UBE2U: variants seen among roughly 807,000 people sequenced by gnomAD.
UBE2U encodes ubiquitin conjugating enzyme E2 U, also known as ubiquitin-conjugating enzyme E2 U.
Under a neutral mutation model 41.2 loss-of-function variants are expected in UBE2U, and 39 were observed. The ratio of observed to expected loss-of-function variants is 0.95; its 90% CI spans 0.73 to 1.24. UBE2U has a LOEUF of 1.24. UBE2U is among the 50% of genes most tolerant of loss of function. The probability of loss-of-function intolerance (pLI) is 0.00; values close to 1 mark genes in which losing one functional copy is unlikely to be tolerated. For missense variants in UBE2U, 336 were observed against 363.1 expected (o/e 0.93, Z 0.61); for synonymous variants, 107 against 117.8 (o/e 0.91, Z 0.60).
intron 3 of UBE2U, among the ~76,000 whole-genome samples, chr1:64,208,603 C>CAAAAAAAAAAAAAAA (rs56972795): frequency 1.1e-4 from 4 of 36,464 alleles, no homozygotes; most frequent in Non-Finnish European, 1.4e-4. Context: ...GACGCTGTCT[C>CAAAAAAAAAAAAAAA]AAAAAAAAAA....
intron 3 of UBE2U, among the ~76,000 whole-genome samples, chr1:64,209,750 C>T (rs891527992): frequency 7.9e-6 from 1 of 125,856 alleles, no homozygotes; most frequent in South Asian, 2.7e-4. Context: ...AATTGCCTTT[C>T]GGTGGTATTT....
At chr1:64,239,157 A>AAGGAGAAGGAGAAGAAGAAGAAGAAGAAG in intron 7 of UBE2U, among the ~76,000 whole-genome samples, 2 of 37,064 alleles carry the variant, frequency 5.4e-5, no homozygotes, top group African/African-American at 1.7e-4. Context: ...GAAGAAGAAG[A>AAGGAGAAGGAGAAGAAGAAGAAGAAGAAG]AAGAAGAAGA....
At chr1:64,206,721 T>C in intron 2 of UBE2U, 43 bp from the exon 3 acceptor site, 1 of 1,221,408 alleles carries the variant, frequency 8.2e-7, no homozygotes, top group Non-Finnish European at 1.2e-6. Context: ...AGTTAATCAA[T>C]AAACATGACA....
intron 8 of UBE2U, among the ~76,000 whole-genome samples, chr1:64,252,975 G>A (rs1035996307): frequency 1.3e-5 from 2 of 152,124 alleles, no homozygotes; most frequent in African/African-American, 4.8e-5. Flanking sequence ...CTGAGCTAAA[G>A]GAACAGGTTG....
At chr1:64,251,395 A>G (rs1212974520) in intron 8 of UBE2U, among the ~76,000 whole-genome samples, 8 of 152,160 alleles carry the variant, frequency 5.3e-5, no homozygotes, top group Non-Finnish European at 7.3e-5. Flanking sequence ...GTAAATTAGT[A>G]TAAGAAAGAA....
intron 4 of UBE2U, among the ~76,000 whole-genome samples, chr1:64,212,284 T>C (rs1000517812): frequency 6.6e-6 from 1 of 152,168 alleles, no homozygotes; most frequent in Non-Finnish European, 1.5e-5. Flanking sequence ...GCCCTAAGAA[T>C]AGCAAAATGA....
intron 8 of UBE2U, chr1:64,244,316 G>C (rs1644885293): frequency 2.0e-6 from 2 of 992,592 alleles, no homozygotes; most frequent in Non-Finnish European, 2.5e-6. Context: ...TTTCATTCGA[G>C]ATATAAATAA....
chr1:64,209,609 C>T (rs1651538771), intron 3 of UBE2U, among the ~76,000 whole-genome samples: 1 of 152,122 alleles, frequency 6.6e-6, no homozygotes, highest in South Asian at 2.1e-4. Context: ...CCTTTCAATA[C>T]TTTGATCTAT....
intron 6 of UBE2U, among the ~76,000 whole-genome samples, chr1:64,224,804 A>G (rs147610519): frequency 6.6e-6 from 1 of 152,226 alleles, no homozygotes; most frequent in Non-Finnish European, 1.5e-5. Flanking sequence ...GATCTCTTGC[A>G]CAGCAATGTA....
chr1:64,259,687 G>C (rs543061454), intron 8 of UBE2U, among the ~76,000 whole-genome samples: 29 of 152,032 alleles, frequency 1.9e-4, no homozygotes, highest in Admixed American at 7.9e-4. Flanking sequence ...ACCCCAAAAA[G>C]TAGTCGTCCC....
At chr1:64,236,140 A>G (rs1570063665) in intron 7 of UBE2U, among the ~76,000 whole-genome samples, 2 of 152,328 alleles carry the variant, frequency 1.3e-5, no homozygotes, top group Admixed American at 1.3e-4. Flanking sequence ...CATCCATAAA[A>G]TAAGAATAAT....
At chr1:64,212,715 T>C (rs1418724327) in intron 4 of UBE2U, among the ~76,000 whole-genome samples, 1 of 152,180 alleles carries the variant, frequency 6.6e-6, no homozygotes, top group African/African-American at 2.4e-5. Context: ...ATTTGAAATC[T>C]GAAATACTCC....
At position 64,267,093 on chromosome 1, in the gene UBE2U, G is replaced by T; in HGVS notation, c.839G>T (p.Gly280Val). The T allele has an allele frequency of 6.5e-7, 1 of 1,550,374 alleles. No homozygotes were observed. The highest frequency in any genetic ancestry group is 8.7e-7 in the Non-Finnish European group (1 of 1,146,942). ...ITDIYETEEE[G>V]WKSDTSLYEN... is the part of the protein sequence containing the mutation. Reference sequence around the variant, plus strand: ...GACATTTATGAAACAGAAGAGGAGGGGTGGAAGAGTGACACTTCATTATAT... The same window carrying T: ...GACATTTATGAAACAGAAGAGGAGGTGTGGAAGAGTGACACTTCATTATAT... The change falls in exon 10 of 10, where the codon GGG becomes GTG. Residue 280 changes from glycine to valine, a missense_variant. Physicochemically the swap from Gly to Val is moderately radical, Grantham distance 109 (BLOSUM62 -3). Coordinates refer to ENST00000371077, the MANE Select transcript of UBE2U (RefSeq NM_001366232.2).
In UBE2U at chr1:64,204,083, A is replaced by G. The variant is rs745497396; in HGVS notation, c.33A>G (p.Arg11=). The G allele has an allele frequency of 3.1e-6, 5 of 1,613,882 alleles. No homozygotes were observed. In the South Asian group the frequency reaches 5.5e-5, roughly 18 times the overall value. The part of the protein sequence containing the change: MHGRAYLLLH[R]DFCDLKENNY... Reference sequence around the variant, plus strand: ...GCAGAGCTTACCTCTTGCTGCACAGAGACTTCTGTGATCTCAAGGAGAACA... The same window carrying G: ...GCAGAGCTTACCTCTTGCTGCACAGGGACTTCTGTGATCTCAAGGAGAACA... The change falls in exon 1 of 10, where the codon AGA becomes AGG. Residue 11 remains arginine, a synonymous_variant. Transcript: ENST00000371077.
At chr1:64,230,327 G>A (rs867095526) in intron 6 of UBE2U, among the ~76,000 whole-genome samples, 1 of 152,056 alleles carries the variant, frequency 6.6e-6, no homozygotes, top group Non-Finnish European at 1.5e-5. Flanking sequence ...TGCCTTATTC[G>A]AGAACTACTG....
intron 9 of UBE2U, among the ~76,000 whole-genome samples, chr1:64,263,659 G>T (rs1645212412): frequency 6.6e-6 from 1 of 152,204 alleles, no homozygotes; most frequent in South Asian, 2.1e-4. Context: ...ACTCAGAAAA[G>T]GAAAGAATTG....
intron 5 of UBE2U, among the ~76,000 whole-genome samples, chr1:64,219,318 CTT>C (rs35441650): frequency 4.0e-5 from 6 of 150,912 alleles, no homozygotes; most frequent in Non-Finnish European, 8.9e-5. Context: ...GTGATTTATT[CTT>C]TTTTTTTCTG....
At chr1:64,218,272 A>G (rs1321810167) in intron 5 of UBE2U, among the ~76,000 whole-genome samples, 1 of 152,216 alleles carries the variant, frequency 6.6e-6, no homozygotes, top group African/African-American at 2.4e-5. Context: ...AGATACTAAA[A>G]AACTGAGTTT....
intron 6 of UBE2U, among the ~76,000 whole-genome samples, chr1:64,228,234 C>T (rs1441376557): frequency 6.6e-6 from 1 of 152,096 alleles, no homozygotes; most frequent in Admixed American, 6.5e-5. Context: ...CTGAATTAGG[C>T]ACCATGGTCA....
Sources: allele counts gnomAD v4.1 joint callset (sites outside exome capture counted in the v4.1 genomes callset), GRCh38; gene constraint gnomAD v4.1.1; transcripts MANE v1.5; gene names NCBI Gene and HGNC (gene_info 2026-07-23, HGNC 2026-07-21).